Variants in HUWE1 observed in about 807,000 individuals in gnomAD.
The protein encoded by HUWE1 is HECT, UBA and WWE domain containing E3 ubiquitin protein ligase 1, also known as E3 ubiquitin-protein ligase HUWE1.
In HUWE1, 18 loss-of-function variants were observed where a neutral mutation model predicts 299.4. That is an observed-to-expected ratio of 0.06 (90% CI 0.04 to 0.09). The LOEUF is 0.09. HUWE1 is among the 10% of genes least tolerant of loss of function. The pLI, the probability that HUWE1 is intolerant of heterozygous loss-of-function variation, is 1.00. For synonymous variants in HUWE1, 1,317 were observed against 1,286.1 expected (o/e 1.02, Z -0.51); for missense variants, 1,832 against 3,462.3 (o/e 0.53, Z 11.82).
chrX:53,637,565 T>A (rs2067297077), intron 7 of HUWE1, among the ~76,000 whole-genome samples: 1 of 112,618 alleles, frequency 8.9e-6, no homozygotes, highest in South Asian at 3.6e-4. Flanking sequence ...ATACTTTTAT[T>A]AGTGTCACCA....
chrX:53,671,791 C>CAAAAA (rs60356592), intron 3 of HUWE1, among the ~76,000 whole-genome samples: 2 of 28,544 alleles, frequency 7.0e-5, no homozygotes, highest in Non-Finnish European at 1.3e-4. Flanking sequence ...GACTCCGTCT[C>CAAAAA]AAAAAAAAAA....
chrX:53,551,212 G>A (rs1556928544), intron 64 of HUWE1, 23 bp from the exon 65 acceptor site: 2 of 1,211,321 alleles, frequency 1.7e-6, no homozygotes, highest in Non-Finnish European at 2.2e-6. Flanking sequence ...AAAAGTCAAT[G>A]AGGGCATTTC....
chrX:53,657,483 G>A (rs1295133487), intron 3 of HUWE1, among the ~76,000 whole-genome samples: 2 of 111,823 alleles, frequency 1.8e-5, no homozygotes, highest in African/African-American at 3.3e-5. Context: ...CTGAGATCGC[G>A]CCACTGCATT....
chrX:53,534,493 G>C (rs1556910046), intron 82 of HUWE1, 23 bp downstream of exon 82: 2 of 1,190,507 alleles, frequency 1.7e-6, no homozygotes, highest in Non-Finnish European at 2.3e-6. Flanking sequence ...ACCATATGAG[G>C]AGGGATGCCA....
intron 9 of HUWE1, 54 bp downstream of exon 9, chrX:53,632,433 T>A (rs192415740): frequency 7.2e-5 from 64 of 894,998 alleles, no homozygotes; most frequent in Non-Finnish European, 1.5e-5. Flanking sequence ...GAAGAGGCAA[T>A]CCCAGTTACA....
intron 4 of HUWE1, among the ~76,000 whole-genome samples, chrX:53,652,215 G>T (rs1451895686): frequency 9.0e-6 from 1 of 111,681 alleles, no homozygotes; most frequent in Admixed American, 9.5e-5. Context: ...TTCCATTATG[G>T]TTTTTTTCCT....
chrX:53,605,655 G>T (rs2065107068), intron 25 of HUWE1, among the ~76,000 whole-genome samples: 2 of 111,373 alleles, frequency 1.8e-5, no homozygotes, highest in South Asian at 7.5e-4. Context: ...TTTTTGTTTT[G>T]GTTTTGCAGA....
In HUWE1 at chrX:53,551,375, C is replaced by G; in HGVS notation, c.8987G>C (p.Arg2996Pro). Residue 2996 changes from arginine (R) to proline (P), a missense_variant, in exon 64 of 84, where the codon CGG becomes CCG. Coordinates refer to ENST00000262854, the MANE Select transcript of HUWE1 (RefSeq NM_031407.7). ...QNQLGIRPPT[R>P]TAPSTNSSAP... ...TGAGCTATTTGTGGAGGGGGCAGTCCGGGTTGGTGGACGAATGCCTAGCTG... is the reference window on the plus strand; with the variant it reads ...TGAGCTATTTGTGGAGGGGGCAGTCGGGGTTGGTGGACGAATGCCTAGCTG... 1 of 1,209,442 alleles carries G rather than the reference C, an allele frequency of 8.3e-7. No homozygotes were observed. The highest frequency in any genetic ancestry group is 1.1e-6 in the Non-Finnish European group (1 of 894,317).
intron 47 of HUWE1, among the ~76,000 whole-genome samples, chrX:53,570,291 A>T (rs2062764641): frequency 8.9e-6 from 1 of 112,281 alleles, no homozygotes; most frequent in South Asian, 3.7e-4. Context: ...CTATCTTAAA[A>T]TATTTTCACA....
At chrX:53,607,889 C>A (rs1556998354) in intron 24 of HUWE1, among the ~76,000 whole-genome samples, 190 bp from the exon 25 acceptor site, 2 of 111,459 alleles carry the variant, frequency 1.8e-5, no homozygotes, top group African/African-American at 6.5e-5. Context: ...TCTACAATTT[C>A]TGCCCAATCT....
At chrX:53,535,265 T>C in intron 81 of HUWE1, 119 bp downstream of exon 81, 1 of 557,967 alleles carries the variant, frequency 1.8e-6, no homozygotes, top group Non-Finnish European at 3.2e-6. Flanking sequence ...GTTTTGTCTT[T>C]TGTGCAAGGC....
At chrX:53,636,549 C>A (rs990488803) in intron 7 of HUWE1, among the ~76,000 whole-genome samples, 1 of 111,634 alleles carries the variant, frequency 9.0e-6, no homozygotes, top group Non-Finnish European at 1.9e-5. Context: ...CATGGTGAAA[C>A]CCCGTCTCTA....
intron 8 of HUWE1, among the ~76,000 whole-genome samples, chrX:53,633,704 T>C (rs1394713601): frequency 1.8e-5 from 2 of 112,705 alleles, no homozygotes; most frequent in African/African-American, 6.4e-5. Context: ...AAATTGTGTT[T>C]TGTAGCTCCA....
chrX:53,637,818 T>C (rs1557027543), intron 7 of HUWE1, among the ~76,000 whole-genome samples: 2 of 111,947 alleles, frequency 1.8e-5, no homozygotes, highest in African/African-American at 3.2e-5. Flanking sequence ...TACACAATTA[T>C]GATAAATTTT....
chrX:53,566,901 A>G (rs931841097), intron 49 of HUWE1, among the ~76,000 whole-genome samples: 12 of 111,164 alleles, frequency 1.1e-4, no homozygotes, highest in Non-Finnish European at 1.7e-4. Flanking sequence ...TGGATTCATC[A>G]AAACAGGAAA....
chrX:53,645,427 C>G lies in HUWE1; in HGVS notation c.388G>C (p.Val130Leu), dbSNP rs1557034846. The G allele has an allele frequency of 8.3e-7, 1 of 1,210,392 alleles. No homozygotes were observed. The highest frequency in any genetic ancestry group is 1.8e-5 in the South Asian group (1 of 56,933). ...AGGAGATTGAGGACTGCCAGCACCA[C>G]TTGCATATCAGAGGAAGCCAATAAA... ...TTLLASSDMQ[V>L]VLAVLNLLYV... The change falls in exon 7 of 84, where the codon GTG becomes CTG. Residue 130 changes from valine to leucine, a missense_variant. By Grantham distance (32) the Val-to-Leu change is conservative (BLOSUM62 1). Transcript: ENST00000262854.
At chrX:53,627,363 CA>C (rs781837977) in intron 17 of HUWE1, 46 bp downstream of exon 17, 7 of 805,100 alleles carry the variant, frequency 8.7e-6, no homozygotes, top group Non-Finnish European at 1.3e-5. Flanking sequence ...GGTGGGATGA[CA>C]AAAAATCTCA....
At chrX:53,569,916 T>C (rs2062742949) in intron 47 of HUWE1, 89 bp from the exon 48 acceptor site, 2 of 775,584 alleles carry the variant, frequency 2.6e-6, no homozygotes, top group Non-Finnish European at 3.9e-6. Flanking sequence ...ACACATAGTA[T>C]TTCCTTAAGT....
intron 51 of HUWE1, among the ~76,000 whole-genome samples, chrX:53,564,090 T>C (rs782480275): frequency 8.9e-6 from 1 of 112,093 alleles, no homozygotes; most frequent in Admixed American, 9.4e-5. Flanking sequence ...ATAGATCTCT[T>C]TAAAGCCAGC....
Sources: gnomAD v4.1 joint callset for allele counts (sites outside exome capture counted in the v4.1 genomes callset) on GRCh38, gnomAD v4.1.1 for gene constraint, MANE v1.5 for transcripts, NCBI Gene and HGNC (gene_info 2026-07-23, HGNC 2026-07-21) for gene names.